The following FAM24B variants were observed in gnomAD, a reference collection of about 807,000 sequenced individuals.
FAM24B encodes protein FAM24B.
FAM24B carries 3 observed loss-of-function variants against 2.3 expected under a neutral mutation model. The ratio of observed to expected loss-of-function variants is 1.29; its 90% confidence interval spans 0.59 to 3.32. FAM24B has a LOEUF of 3.32. FAM24B is among the 30% of genes most tolerant of loss of function. The pLI, the probability that FAM24B is intolerant of heterozygous loss-of-function variation, is 0.03. For missense variants in FAM24B, 98 were observed against 117.2 expected (o/e 0.84, Z 0.76); for synonymous variants, 36 against 46.3 (o/e 0.78, Z 0.90).
chr10:122,869,037 C>A (rs912603743), intron 1 of FAM24B, among the ~76,000 whole-genome samples: 2 of 151,906 alleles, frequency 1.3e-5, no homozygotes, highest in African/African-American at 2.4e-5. Context: ...TTCAGGAAAC[C>A]CATCTCACGT....
rs1847482829 is a variant in FAM24B, at chr10:122,849,189, C to A, written c.*58G>T. On this transcript the variant is annotated 3_prime_UTR_variant, in exon 4 of 4. Transcript: ENST00000368898. Reference sequence around the variant, plus strand: ...AAACACTAGAACTTGATTTGAATAACAAAACAATCTACTAAGAAGTATTGC... The same window carrying A: ...AAACACTAGAACTTGATTTGAATAAAAAAACAATCTACTAAGAAGTATTGC... 1 of 1,293,330 alleles carries A rather than the reference C, an allele frequency of 7.7e-7. No individual in the cohort carries two copies. Among genetic ancestry groups the A allele is most frequent in the African/African-American group, 1.5e-5 (1 of 66,890 alleles). The allele number at this position is 1,293,330 out of a possible 1,614,324, so 80.1% of individuals were successfully genotyped here.
rs567333007 is a variant in FAM24B at position 122,850,015 on chromosome 10, C to T, written c.92+409G>A. Among the ~76,000 whole-genome samples, 8 of 152,240 alleles carry T rather than the reference C, an allele frequency of 5.3e-5. No individual in the cohort carries two copies. The East Asian group carries it at 5.8e-4, about 11-fold the overall frequency. On this transcript the variant is annotated intron_variant, in intron 3 of 3. Coordinates refer to ENST00000368898, the MANE Select transcript of FAM24B (RefSeq NM_152644.3). Reference sequence around the variant, plus strand: ...CAGGCAAGAAGAGATCAATCCAGCCCGTCCTCCACATGAGCACAAGGCAGA... The same window carrying T: ...CAGGCAAGAAGAGATCAATCCAGCCTGTCCTCCACATGAGCACAAGGCAGA...
chr10:122,877,992 GA>G (rs889451696), intron 1 of FAM24B, among the ~76,000 whole-genome samples: 3 of 152,172 alleles, frequency 2.0e-5, no homozygotes, highest in African/African-American at 7.2e-5. Flanking sequence ...AAACAAATGT[GA>G]GAATTATTTG....
At chr10:122,866,878 C>T (rs1325482098) in intron 1 of FAM24B, among the ~76,000 whole-genome samples, 1 of 152,028 alleles carries the variant, frequency 6.6e-6, no homozygotes, top group Non-Finnish European at 1.5e-5. Context: ...GAGTCATGTA[C>T]GTCATATTTT....
Position 122,861,781 on chromosome 10 carries a change from A to G in FAM24B, c.-177-5995T>C, listed in dbSNP as rs75620924. ...ATGAGCAGTGAATTTTTATATATTG[A>G]CATCATTGCTGAGCTCACATCCTGA... On this transcript the variant is annotated intron_variant, in intron 1 of 3. Transcript: ENST00000368898. Among the ~76,000 whole-genome samples, 538 of 152,282 alleles carry G rather than the reference A, an allele frequency of 3.5e-3. 2 individuals carry two copies. Among genetic ancestry groups the G allele is most frequent in the Middle Eastern group, 0.014 (4 of 294 alleles).
At chr10:122,878,634 G>A (rs945136180) in intron 1 of FAM24B, among the ~76,000 whole-genome samples, 1 of 151,952 alleles carries the variant, frequency 6.6e-6, no homozygotes, top group Non-Finnish European at 1.5e-5. Flanking sequence ...ATGAAACGCA[G>A]GTGAGGAGAT....
rs1268646389 is a variant in FAM24B at position 122,879,494 on chromosome 10, G to T, written c.-187C>A. ...AAGAGACGACACCTACCTGACCATA[G>T]ACGCTCCCCATCCGCCCAGCAACCG... On this transcript the variant is annotated 5_prime_UTR_variant, in exon 1 of 4. Coordinates refer to ENST00000368898, the MANE Select transcript of FAM24B (RefSeq NM_152644.3). 1 of 152,494 alleles carries T rather than the reference G, an allele frequency of 6.6e-6. No homozygotes were observed. The highest frequency in any genetic ancestry group is 1.9e-4 in the East Asian group (1 of 5,200). The allele number at this position is 152,494 out of a possible 1,614,324, so 9.4% of individuals were successfully genotyped here.
Position 122,853,444 on chromosome 10 carries a change from G to A in FAM24B, c.-36+2201C>T, listed in dbSNP as rs150191176. Among the ~76,000 whole-genome samples, 1,203 of 152,002 alleles carry A rather than the reference G, an allele frequency of 7.9e-3. 15 individuals carry two copies. The highest frequency in any genetic ancestry group is 0.027 in the African/African-American group (1,124 of 41,418). On this transcript the variant is annotated intron_variant, in intron 2 of 3. Coordinates refer to ENST00000368898, the MANE Select transcript of FAM24B (RefSeq NM_152644.3). ...GGTTAGATGGCCCTCCCTGTCCCTC[G>A]CCTCCTCTATCTGCTGAAACACCAA...
In FAM24B at chr10:122,860,414, T is replaced by C. The variant is rs150662059; in HGVS notation, c.-177-4628A>G. On this transcript the variant is annotated intron_variant, in intron 1 of 3. Transcript: ENST00000368898. ...GACTGGACCACAGTTTATCCATTCA[T>C]ACATTGAAGGACATGTGGATTTATT... is the stretch of plus-strand genomic sequence containing the variant. Among the ~76,000 whole-genome samples the C allele has an allele frequency of 3.5e-3, 540 of 152,376 alleles. 4 individuals are homozygous for C. The highest frequency in any genetic ancestry group is 0.013 in the East Asian group (65 of 5,194).
At chr10:122,874,573 C>G (rs1420370278) in intron 1 of FAM24B, among the ~76,000 whole-genome samples, 1 of 152,172 alleles carries the variant, frequency 6.6e-6, no homozygotes, top group East Asian at 1.9e-4. Context: ...ATATTTCACT[C>G]CAGTCCCTTC....
At chr10:122,876,307 C>A (rs1847976515) in intron 1 of FAM24B, among the ~76,000 whole-genome samples, 1 of 152,188 alleles carries the variant, frequency 6.6e-6, no homozygotes, top group Admixed American at 6.5e-5. Flanking sequence ...CTAGAGGGGG[C>A]TGGAATCTTC....
chr10:122,868,140 T>C lies in FAM24B; in HGVS notation c.-178+11345A>G, dbSNP rs1847830925. Among the ~76,000 whole-genome samples, 4 of 152,234 alleles carry C rather than the reference T, an allele frequency of 2.6e-5. No individual in the cohort carries two copies. The South Asian group carries it at 6.2e-4, about 24-fold the overall frequency. ...AAACCATGGCACGAGAACTACGTGATAAATGCACAAGCCTCAGTAACTGAT... is the reference window on the plus strand; with the variant it reads ...AAACCATGGCACGAGAACTACGTGACAAATGCACAAGCCTCAGTAACTGAT... On this transcript the variant is annotated intron_variant, in intron 1 of 3. Transcript: ENST00000368898.
At chr10:122,870,570 T>C (rs1384131258) in intron 1 of FAM24B, among the ~76,000 whole-genome samples, 1 of 152,084 alleles carries the variant, frequency 6.6e-6, no homozygotes, top group African/African-American at 2.4e-5. Context: ...CAGCAGCACA[T>C]CAAAAAGCTT....
At chr10:122,849,784 TG>T (rs1847496918) in intron 3 of FAM24B, among the ~76,000 whole-genome samples, 1 of 151,868 alleles carries the variant, frequency 6.6e-6, no homozygotes, top group Admixed American at 6.6e-5. Context: ...CTCCTTAGAA[TG>T]GGGACACAAT....
intron 1 of FAM24B, among the ~76,000 whole-genome samples, chr10:122,868,213 C>A (rs898470450): frequency 3.3e-5 from 5 of 151,520 alleles, no homozygotes; most frequent in African/African-American, 1.2e-4. Flanking sequence ...TGAAATGAAG[C>A]GTGAAGAGAA....
At chr10:122,859,080 C>G (rs922502991) in intron 1 of FAM24B, among the ~76,000 whole-genome samples, 23 of 152,138 alleles carry the variant, frequency 1.5e-4, no homozygotes, top group Non-Finnish European at 4.4e-5. Flanking sequence ...GTGGACAGCA[C>G]ACATAAGACA....
intron 1 of FAM24B, among the ~76,000 whole-genome samples, chr10:122,871,643 A>T (rs1847899017): frequency 6.6e-6 from 1 of 152,172 alleles, no homozygotes; most frequent in Non-Finnish European, 1.5e-5. Flanking sequence ...CGTATCTACA[A>T]CTATCTGATC....
intron 1 of FAM24B, among the ~76,000 whole-genome samples, chr10:122,871,072 G>A (rs981391337): frequency 2.0e-5 from 3 of 152,054 alleles, no homozygotes; most frequent in African/African-American, 4.8e-5. Flanking sequence ...TAAGCTGATA[G>A]GCAACTTCAG....
At chr10:122,870,349 C>T (rs1227637488) in intron 1 of FAM24B, among the ~76,000 whole-genome samples, 1 of 152,122 alleles carries the variant, frequency 6.6e-6, no homozygotes, top group Non-Finnish European at 1.5e-5. Flanking sequence ...CCGAATTCTA[C>T]CAGAGGTACA....
Sources: gnomAD v4.1 joint callset for allele counts (sites outside exome capture counted in the v4.1 genomes callset) on GRCh38, gnomAD v4.1.1 for gene constraint, MANE v1.5 for transcripts, NCBI Gene and HGNC (gene_info 2026-07-23, HGNC 2026-07-21) for gene names.